Variants in RGS6 observed in about 807,000 individuals in gnomAD.
RGS6 encodes the protein regulator of G-protein signaling 6.
A neutral mutation model predicts 78.5 loss-of-function variants in RGS6; 30 were observed. The ratio of observed to expected loss-of-function variants is 0.38; its 90% CI spans 0.29 to 0.52. RGS6 has a LOEUF of 0.52. Ranked by LOEUF, RGS6 falls within the 20% of genes least tolerant of loss-of-function variation. The pLI is 0.85. For synonymous variants in RGS6, 206 were observed against 206.0 expected, an observed-to-expected ratio of 1.00 and a Z score of 0.00; for missense variants, 495 against 609.7, an observed-to-expected ratio of 0.81 and a Z score of 1.98.
At chr14:72,616,373 T>C in the RGS6 span, among the ~76,000 whole-genome samples, 1 of 152,132 alleles carries the variant, frequency 6.6e-6, no homozygotes, top group African/African-American at 2.4e-5. Context: ...CCCAACCCCA[T>C]GTACATCCCT....
rs2095579922 is a variant in RGS6 at position 72,454,545 on chromosome 14, T to C, written c.202T>C (p.Trp68Arg). The C allele has an allele frequency of 6.2e-7, 1 of 1,614,026 alleles. No homozygotes were observed. Among genetic ancestry groups the C allele is most frequent in the Admixed American group, 1.7e-5 (1 of 60,006 alleles). ...SVVTGTDIVQWLMKNLSIEDP... is the reference protein window; with the variant it reads ...SVVTGTDIVQRLMKNLSIEDP... ...CGTTGCAGGTACTGACATTGTGCAGTGGCTTATGAAGAACCTTTCCATTGA... is the reference window on the plus strand; with the variant it reads ...CGTTGCAGGTACTGACATTGTGCAGCGGCTTATGAAGAACCTTTCCATTGA... The change falls in exon 4 of 18, where the codon TGG becomes CGG. Residue 68 changes from tryptophan to arginine, a missense_variant. Trp to Arg is a moderately radical substitution (Grantham distance 101). Transcript: ENST00000553525.
At chr14:72,178,751 A>G (rs1031756239) in intron 2 of RGS6, among the ~76,000 whole-genome samples, 4 of 152,202 alleles carry the variant, frequency 2.6e-5, no homozygotes, top group Non-Finnish European at 5.9e-5. Flanking sequence ...GTGGACTATG[A>G]CAAAACAGAG....
chr14:72,079,168 G>A (rs1455890013), intron 2 of RGS6, among the ~76,000 whole-genome samples: 2 of 146,222 alleles, frequency 1.4e-5, no homozygotes, highest in Non-Finnish European at 3.0e-5. Context: ...GGGCCTTTGT[G>A]CCTTTTTTTT....
the RGS6 span, among the ~76,000 whole-genome samples, chr14:72,585,583 C>T: frequency 3.3e-4 from 51 of 152,302 alleles, no homozygotes; most frequent in African/African-American, 1.1e-3. Flanking sequence ...ATAGCTTTTA[C>T]ACCCAAATGT....
chr14:72,501,223 G>C (rs2238175), intron 13 of RGS6, among the ~76,000 whole-genome samples: 41,327 of 151,950 alleles, frequency 0.27, 8,957 homozygotes, highest in African/African-American at 0.61. Flanking sequence ...TGAGTCTGCC[G>C]TGGGGAGGTT....
intron 9 of RGS6, 36 bp from the exon 10 acceptor site, chr14:72,474,589 C>G: frequency 1.9e-6 from 3 of 1,569,696 alleles, no homozygotes; most frequent in Non-Finnish European, 2.6e-6. Context: ...GTAATTTTCA[C>G]GTAGTAATTT....
chr14:72,334,176 A>T (rs976075926), intron 2 of RGS6, among the ~76,000 whole-genome samples: 4 of 152,082 alleles, frequency 2.6e-5, no homozygotes, highest in African/African-American at 9.7e-5. Context: ...GTGTGTGCTC[A>T]CCCCTACATT....
intron 2 of RGS6, among the ~76,000 whole-genome samples, chr14:72,310,019 G>A (rs1281578510): frequency 6.6e-6 from 1 of 152,118 alleles, no homozygotes; most frequent in Non-Finnish European, 1.5e-5. Context: ...TCAGCTCTTT[G>A]AGAGAGCAGC....
chr14:72,307,509 ATTAT>A (rs1291476214), intron 2 of RGS6, among the ~76,000 whole-genome samples: 15 of 152,144 alleles, frequency 9.9e-5, no homozygotes, highest in Admixed American at 9.8e-4. Context: ...TTTACAGTTG[ATTAT>A]TTGACAATAA....
chr14:72,609,235 G>A, the RGS6 span, among the ~76,000 whole-genome samples: 1 of 152,132 alleles, frequency 6.6e-6, no homozygotes, highest in Admixed American at 6.6e-5. Flanking sequence ...AAGGCTGCTC[G>A]ATCCCCACAT....
At chr14:72,254,165 A>C (rs2056532537) in intron 2 of RGS6, among the ~76,000 whole-genome samples, 1 of 152,244 alleles carries the variant, frequency 6.6e-6, no homozygotes, top group African/African-American at 2.4e-5. Context: ...AAATCACCTG[A>C]AATAATTTTT....
intron 17 of RGS6, among the ~76,000 whole-genome samples, chr14:72,551,624 C>T (rs1229227798): frequency 6.6e-6 from 1 of 152,224 alleles, no homozygotes; most frequent in Non-Finnish European, 1.5e-5. Context: ...AAGTTCGAGA[C>T]AGGCAACCCC....
intron 2 of RGS6, among the ~76,000 whole-genome samples, chr14:72,306,313 C>T (rs1206521586): frequency 2.0e-5 from 3 of 152,178 alleles, no homozygotes; most frequent in Admixed American, 6.5e-5. Context: ...TGAAGATGTA[C>T]AAGAATGTGT....
At chr14:72,581,150 A>T in the RGS6 span, among the ~76,000 whole-genome samples, 49,526 of 151,960 alleles carry the variant, frequency 0.33, 9,644 homozygotes, top group East Asian at 0.74. Context: ...TTCCCAGTGG[A>T]TGAAGCCCCC....
intron 2 of RGS6, among the ~76,000 whole-genome samples, chr14:72,139,300 C>T (rs1031292566): frequency 6.6e-6 from 1 of 152,216 alleles, no homozygotes; most frequent in African/African-American, 2.4e-5. Flanking sequence ...GTCAATTCTC[C>T]ATTCTTGAAT....
the RGS6 span, among the ~76,000 whole-genome samples, chr14:71,868,652 G>GT: frequency 1.3e-5 from 2 of 152,138 alleles, no homozygotes; most frequent in Admixed American, 1.3e-4. Flanking sequence ...TACCTTTAGT[G>GT]AACCACTCGA....
At position 72,510,246 on chromosome 14, in the gene RGS6, T is replaced by A; in HGVS notation, c.1058T>A (p.Phe353Tyr). 1 of 1,614,210 alleles carries A rather than the reference T, an allele frequency of 6.2e-7. No individual in the cohort carries two copies. The highest frequency in any genetic ancestry group is 8.5e-7 in the Non-Finnish European group (1 of 1,180,024). Residue 353 changes from phenylalanine to tyrosine, a missense_variant, in exon 14 of 18, where the codon TTC becomes TAC. Coordinates refer to ENST00000553525, the MANE Select transcript of RGS6 (RefSeq NM_001204424.2). ...DQVGRDQFLR[F>Y]LESEFSSENL... ...GTGGGGCGGGACCAGTTTCTACGAT[T>A]CCTGGAGTCCGAATTCAGTTCAGAA...
intron 2 of RGS6, among the ~76,000 whole-genome samples, chr14:72,266,783 GCT>G (rs568246889): frequency 3.0e-4 from 46 of 152,270 alleles, no homozygotes; most frequent in African/African-American, 1.0e-3. Flanking sequence ...CTGAGGGACT[GCT>G]CTTTCTCCCC....
At chr14:72,534,972 C>T (rs776108192) in intron 15 of RGS6, among the ~76,000 whole-genome samples, 7 of 152,184 alleles carry the variant, frequency 4.6e-5, no homozygotes, top group Non-Finnish European at 1.0e-4. Context: ...ACAAGCCCGC[C>T]CTCCCCAGTG....
Sources: gnomAD v4.1 joint callset for allele counts (sites outside exome capture counted in the v4.1 genomes callset) on GRCh38, gnomAD v4.1.1 for gene constraint, MANE v1.5 for transcripts, NCBI Gene and HGNC (gene_info 2026-07-23, HGNC 2026-07-21) for gene names.